MAML3: variants seen among roughly 807,000 people sequenced by gnomAD.
MAML3 encodes mastermind like transcriptional coactivator 3.
Under a neutral mutation model 101.9 loss-of-function variants are expected in MAML3, and 27 were observed. The observed-to-expected ratio is 0.27, with a 90% CI of 0.20 to 0.37. The LOEUF is 0.37. Among genes scored for constraint, MAML3 ranks in the 10% least tolerant of loss-of-function variants. MAML3 has a pLI of 1.00. For missense variants in MAML3, 1,316 were observed against 1,444.9 expected, an observed-to-expected ratio of 0.91 and a Z score of 1.45; for synonymous variants, 501 against 555.9, an observed-to-expected ratio of 0.90 and a Z score of 1.39.
chr4:140,122,122 G>A (rs929021781), intron 1 of MAML3, among the ~76,000 whole-genome samples: 1 of 150,024 alleles, frequency 6.7e-6, no homozygotes, highest in African/African-American at 2.4e-5. Flanking sequence ...CTCAAGTCTT[G>A]AGGCTAATAC....
chr4:139,946,900 C>T (rs1733739563), intron 1 of MAML3, among the ~76,000 whole-genome samples: 1 of 115,612 alleles, frequency 8.6e-6, no homozygotes, highest in Admixed American at 7.6e-5. Context: ...CACACACACA[C>T]ACACACACAC....
chr4:140,080,837 T>C (rs1727850457), intron 1 of MAML3, among the ~76,000 whole-genome samples: 1 of 152,220 alleles, frequency 6.6e-6, no homozygotes, highest in Non-Finnish European at 1.5e-5. Flanking sequence ...GTTGTGCTAT[T>C]CCACATAAGG....
chr4:139,832,066 T>A (rs1731173722), intron 2 of MAML3, among the ~76,000 whole-genome samples: 1 of 148,094 alleles, frequency 6.8e-6, no homozygotes, highest in Admixed American at 7.0e-5. Context: ...GTGCTGGGAT[T>A]ACAGGCGTGA....
At chr4:139,749,885 A>ACCCCCCC (rs57753442) in intron 2 of MAML3, among the ~76,000 whole-genome samples, 1 of 128,120 alleles carries the variant, frequency 7.8e-6, no homozygotes. Flanking sequence ...ATGAATAAGA[A>ACCCCCCC]CCCCCCCCCA....
intron 1 of MAML3, among the ~76,000 whole-genome samples, chr4:139,925,660 T>C (rs967661349): frequency 2.6e-5 from 4 of 152,212 alleles, no homozygotes; most frequent in Non-Finnish European, 4.4e-5. Context: ...ACCCTCACCA[T>C]TGATGACATC....
At chr4:139,987,576 G>T (rs547516708) in intron 1 of MAML3, among the ~76,000 whole-genome samples, 1 of 152,136 alleles carries the variant, frequency 6.6e-6, no homozygotes, top group East Asian at 1.9e-4. Context: ...CTCTTCTTGG[G>T]GTGTGGCATC....
At chr4:140,142,673 C>A (rs1233431863) in intron 1 of MAML3, among the ~76,000 whole-genome samples, 5 of 152,214 alleles carry the variant, frequency 3.3e-5, no homozygotes, top group Non-Finnish European at 5.9e-5. Flanking sequence ...CACATCTAAT[C>A]CCTTCTTCAA....
At chr4:139,989,393 C>G (rs1734616002) in intron 1 of MAML3, among the ~76,000 whole-genome samples, 1 of 152,202 alleles carries the variant, frequency 6.6e-6, no homozygotes, top group Non-Finnish European at 1.5e-5. Flanking sequence ...GCGGCAGCAT[C>G]TAAGGATGAA....
At chr4:140,141,265 A>T (rs1434600973) in intron 1 of MAML3, among the ~76,000 whole-genome samples, 1 of 152,182 alleles carries the variant, frequency 6.6e-6, no homozygotes, top group African/African-American at 2.4e-5. Flanking sequence ...TATAATGAAA[A>T]CTGATAGGAC....
intron 1 of MAML3, among the ~76,000 whole-genome samples, chr4:139,935,987 C>G (rs1733499372): frequency 1.3e-5 from 2 of 152,176 alleles, no homozygotes; most frequent in South Asian, 2.1e-4. Context: ...TGGAACTTAT[C>G]TATCCAGCAT....
chr4:140,150,988 G>A (rs897809301), intron 1 of MAML3, among the ~76,000 whole-genome samples: 1 of 151,818 alleles, frequency 6.6e-6, no homozygotes, highest in African/African-American at 2.4e-5. Flanking sequence ...CAGGGGGAGC[G>A]GAGAGGAGGG....
At chr4:140,146,264 C>A (rs963590959) in intron 1 of MAML3, among the ~76,000 whole-genome samples, 7 of 152,130 alleles carry the variant, frequency 4.6e-5, no homozygotes, top group African/African-American at 1.7e-4. Context: ...TGCGTGCATG[C>A]GGCCCTCAGA....
At chr4:139,935,014 G>A (rs929718967) in intron 1 of MAML3, among the ~76,000 whole-genome samples, 2 of 152,082 alleles carry the variant, frequency 1.3e-5, no homozygotes, top group Non-Finnish European at 1.5e-5. Context: ...AAAGGTATCA[G>A]TTTGCCAGCT....
rs568477717 is a variant in MAML3 at position 140,045,321 on chromosome 4, T to C, written c.468+107539A>G. ...GAGGCAGGAGAATCGCTTGAATCCA[T>C]GAGGTGGAGGCTGCAGTGAGCTGAA... On this transcript the variant is annotated intron_variant, in intron 1 of 4. Transcript: ENST00000509479. Among the ~76,000 whole-genome samples, 12 of 147,010 alleles carry C rather than the reference T, an allele frequency of 8.2e-5. No homozygotes were observed. In the Admixed American group the frequency reaches 8.5e-4, roughly 10 times the overall value.
chr4:139,764,513 G>C (rs1264860361), intron 2 of MAML3, among the ~76,000 whole-genome samples: 2 of 152,190 alleles, frequency 1.3e-5, no homozygotes, highest in Non-Finnish European at 2.9e-5. Flanking sequence ...ATCTTTCCAA[G>C]TCTCACTTGC....
intron 2 of MAML3, among the ~76,000 whole-genome samples, chr4:139,788,311 TTC>T (rs1259130337): frequency 1.3e-5 from 2 of 152,292 alleles, no homozygotes; most frequent in South Asian, 2.1e-4. Context: ...TCCCTCCCAT[TTC>T]TCTCTCTTCA....
chr4:140,152,763 C>T (rs1373322049), intron 1 of MAML3, 97 bp downstream of exon 1: 4 of 1,519,536 alleles, frequency 2.6e-6, no homozygotes, highest in Admixed American at 2.1e-5. Flanking sequence ...CCGTGCAAAT[C>T]AGACCCTTGT....
chr4:140,034,910 C>T (rs1387630215), intron 1 of MAML3, among the ~76,000 whole-genome samples: 1 of 152,204 alleles, frequency 6.6e-6, no homozygotes, highest in African/African-American at 2.4e-5. Context: ...CTACAAACCC[C>T]ACTGGGAAAC....
intron 1 of MAML3, among the ~76,000 whole-genome samples, chr4:139,934,359 G>C (rs1329226294): frequency 2.6e-5 from 4 of 151,882 alleles, no homozygotes; most frequent in Non-Finnish European, 5.9e-5. Flanking sequence ...TGAGGAGGGA[G>C]GGAAAAGGAG....
Sources: allele counts gnomAD v4.1 joint callset (sites outside exome capture counted in the v4.1 genomes callset), GRCh38; gene constraint gnomAD v4.1.1; transcripts MANE v1.5; gene names NCBI Gene and HGNC (gene_info 2026-07-23, HGNC 2026-07-21).